CECR2: variants seen among roughly 807,000 people sequenced by gnomAD.
The protein encoded by CECR2 is CECR2 histone acetyl-lysine reader.
In CECR2, 30 loss-of-function variants were observed where a neutral mutation model predicts 154.5. The observed-to-expected ratio is 0.19, with a 90% CI of 0.15 to 0.26. The LOEUF is 0.26. Among genes scored for constraint, CECR2 ranks in the 10% least tolerant of loss-of-function variants. The probability of loss-of-function intolerance (pLI) is 1.00; values close to 1 mark genes in which losing one functional copy is unlikely to be tolerated. For synonymous variants in CECR2, 725 were observed against 683.7 expected (o/e 1.06, Z -0.94); for missense variants, 1,743 against 1,829.3 (o/e 0.95, Z 0.86).
chr22:17,497,503 C>T lies in CECR2; in HGVS notation c.322C>T (p.Leu108=), dbSNP rs371059170. Residue 108 remains leucine, a synonymous_variant, in exon 3 of 19, where the codon CTG becomes TTG. Transcript: ENST00000262608. Reference sequence around the variant, plus strand: ...TCTGAGGGAAGCCAGTTTCCAGGACCTGCCTCTTCGCACACGGGTGGAGAT... The same window carrying T: ...TCTGAGGGAAGCCAGTTTCCAGGACTTGCCTCTTCGCACACGGGTGGAGAT... ...NPLREASFQD[L]PLRTRVEILH... 6.2e-6 allele frequency: 10 copies of T among 1,613,864 alleles called. No individual in the cohort carries two copies. The highest frequency in any genetic ancestry group is 2.7e-5 in the African/African-American group (2 of 74,920).
chr22:17,548,210 C>T lies in CECR2; in HGVS notation c.2923C>T (p.Leu975Phe). The stretch of plus-strand genomic sequence containing the variant: ...TGTTGGTACTTCAGAGGGGGTCTAC[C>T]TCACACAACTACCTCACCCCACACC... ...PGVGTSEGVYLTQLPHPTPPL... is the reference protein window; with the variant it reads ...PGVGTSEGVYFTQLPHPTPPL... Residue 975 changes from leucine (L) to phenylalanine (F), a missense_variant, in exon 17 of 19, where the codon CTC (leucine) becomes TTC (phenylalanine). Coordinates refer to ENST00000262608, the MANE Select transcript of CECR2 (RefSeq NM_001290047.2). 2.5e-6 allele frequency: 4 copies of T among 1,593,370 alleles called. No homozygotes were observed. The highest frequency in any genetic ancestry group is 1.1e-5 in the South Asian group (1 of 87,962).
At chr22:17,436,005 C>G (rs902763353) in intron 1 of CECR2, among the ~76,000 whole-genome samples, 1 of 152,196 alleles carries the variant, frequency 6.6e-6, no homozygotes, top group African/African-American at 2.4e-5. Flanking sequence ...GTCACCCAGG[C>G]TGGAGTGCAG....
At position 17,499,385 on chromosome 22, in the gene CECR2, A is replaced by G. The variant is rs758351805; in HGVS notation, c.406-25A>G. 5 of 1,593,524 alleles carry G rather than the reference A, an allele frequency of 3.1e-6. No individual in the cohort carries two copies. The South Asian group carries it at 4.6e-5, about 15-fold the overall frequency. On this transcript the variant is annotated intron_variant, in intron 3 of 18. Transcript: ENST00000262608. ...GTGCGTTTTGTTCCCCATTTCCCCA[A>G]ACCCCTTTTCCGTGCTCTGTGTAGG...
chr22:17,537,014 G>C, intron 9 of CECR2, 89 bp from the exon 10 acceptor site: 2 of 1,495,938 alleles, frequency 1.3e-6, no homozygotes, highest in Non-Finnish European at 1.8e-6. Context: ...TTGGTGGCCT[G>C]GTTCTTCCTT....
intron 1 of CECR2, among the ~76,000 whole-genome samples, chr22:17,475,836 C>T (rs143926221): frequency 5.3e-5 from 8 of 152,100 alleles, no homozygotes; most frequent in East Asian, 3.9e-4. Flanking sequence ...CCTATTTCTC[C>T]GTTCTCTCAT....
At chr22:17,390,944 GA>G (rs1234571189) in intron 1 of CECR2, among the ~76,000 whole-genome samples, 1 of 152,014 alleles carries the variant, frequency 6.6e-6, no homozygotes, top group Non-Finnish European at 1.5e-5. Context: ...ATTTTATTTT[GA>G]GAATTTTCAG....
At chr22:17,376,496 C>T (rs1270717430) in intron 1 of CECR2, among the ~76,000 whole-genome samples, 1 of 151,460 alleles carries the variant, frequency 6.6e-6, no homozygotes, top group Non-Finnish European at 1.5e-5. Flanking sequence ...GGGGCTCGCA[C>T]AATGCAGTGC....
intron 1 of CECR2, among the ~76,000 whole-genome samples, chr22:17,459,870 C>G (rs1289058329): frequency 1.3e-5 from 2 of 152,176 alleles, no homozygotes; most frequent in Non-Finnish European, 2.9e-5. Context: ...GCCTCTTATC[C>G]TTTTAACTCC....
intron 1 of CECR2, among the ~76,000 whole-genome samples, chr22:17,456,275 T>C (rs994102141): frequency 1.3e-5 from 2 of 152,182 alleles, no homozygotes; most frequent in African/African-American, 4.8e-5. Context: ...ACATCATAGT[T>C]TTAAATCACA....
chr22:17,539,373 G>A (rs1376552927), intron 13 of CECR2, among the ~76,000 whole-genome samples: 4 of 152,104 alleles, frequency 2.6e-5, no homozygotes, highest in African/African-American at 9.7e-5. Context: ...GGATTATACT[G>A]TGTGTGCCTC....
intron 1 of CECR2, among the ~76,000 whole-genome samples, chr22:17,373,347 A>C (rs1341164977): frequency 1.3e-5 from 2 of 152,240 alleles, no homozygotes; most frequent in Non-Finnish European, 2.9e-5. Context: ...TGCCAAGTAT[A>C]TAATAGTAAT....
At chr22:17,503,025 A>G (rs2055767018) in intron 5 of CECR2, 57 bp from the exon 6 acceptor site, 2 of 1,529,212 alleles carry the variant, frequency 1.3e-6, no homozygotes, top group Non-Finnish European at 1.8e-6. Flanking sequence ...GGGGTGGCAC[A>G]GAACAATTTT....
intron 2 of CECR2, among the ~76,000 whole-genome samples, chr22:17,488,125 G>C (rs1406955782): frequency 1.3e-5 from 2 of 151,900 alleles, no homozygotes; most frequent in Non-Finnish European, 2.9e-5. Flanking sequence ...CAGGTGATCT[G>C]CCCCCCCTTG....
At chr22:17,545,660 T>C (rs146057969) in intron 16 of CECR2, among the ~76,000 whole-genome samples, 2,185 of 151,724 alleles carry the variant, frequency 0.014, 38 homozygotes, top group Non-Finnish European at 0.024. Context: ...CTGGCCAACA[T>C]GGTGAAACTC....
intron 2 of CECR2, among the ~76,000 whole-genome samples, chr22:17,494,072 T>TA (rs1328216496): frequency 1.3e-5 from 2 of 152,134 alleles, no homozygotes; most frequent in African/African-American, 4.8e-5. Flanking sequence ...AAGCAGTTTT[T>TA]AAAAAAACAC....
chr22:17,518,215 TTAAG>T (rs1166739218), intron 8 of CECR2, among the ~76,000 whole-genome samples: 1 of 152,196 alleles, frequency 6.6e-6, no homozygotes, highest in African/African-American at 2.4e-5. Flanking sequence ...TTTACATAAA[TTAAG>T]TGATTAGGCG....
At position 17,498,616 on chromosome 22, in the gene CECR2, C is replaced by T. The variant is rs540017440; in HGVS notation, c.406-794C>T. Among the ~76,000 whole-genome samples the T allele has an allele frequency of 1.2e-3, 181 of 152,302 alleles. 1 individual carries two copies. Among genetic ancestry groups the T allele is most frequent in the African/African-American group, 4.2e-3 (176 of 41,564 alleles). Reference sequence around the variant, plus strand: ...TAGCAGTGAGAAGGCCAGTACAGGTCAGCCCCCGAGGTAAATTGGGAGCCC... The same window carrying T: ...TAGCAGTGAGAAGGCCAGTACAGGTTAGCCCCCGAGGTAAATTGGGAGCCC... On this transcript the variant is annotated intron_variant, in intron 3 of 18. Coordinates refer to ENST00000262608, the MANE Select transcript of CECR2 (RefSeq NM_001290047.2).
rs1043647191 is a variant in CECR2 at position 17,409,948 on chromosome 22, A to G, written c.126+40039A>G. Among the ~76,000 whole-genome samples, 6 of 107,190 alleles carry G rather than the reference A, an allele frequency of 5.6e-5. 2 individuals carry two copies. The highest frequency in any genetic ancestry group is 1.3e-4 in the Non-Finnish European group (6 of 46,434). 70.3% of individuals were successfully genotyped at this position (107,190 alleles called of 152,430 possible). A position where few individuals can be genotyped will look rare whatever the true frequency, so the allele number is the denominator to read the frequency against. On this transcript the variant is annotated intron_variant, in intron 1 of 18. Transcript: ENST00000262608. ...TAGTAAAGGGCTTCACACATATTCA[A>G]TCAAGTGTTTGCTGTCTATTTATTT...
chr22:17,537,164 G>T lies in CECR2; in HGVS notation c.1170G>T (p.Glu390Asp). 2 of 1,613,952 alleles carry T rather than the reference G, an allele frequency of 1.2e-6. No homozygotes were observed. Among genetic ancestry groups the T allele is most frequent in the Non-Finnish European group, 1.7e-6 (2 of 1,179,852 alleles). ...CATGGCTGCTGGCTCAAGGAAAGGA[G>T]CTCCCTCCAGAACTTTCCCATCTGG... ...ERAWLLAQGK[E>D]LPPELSHLDP... Residue 390 changes from glutamate (E) to aspartate (D), a missense_variant, in exon 10 of 19, where the codon GAG (glutamate) becomes GAT (aspartate). By Grantham distance (45) the Glu-to-Asp change is conservative (BLOSUM62 2). Transcript: ENST00000262608.
Sources: allele counts gnomAD v4.1 joint callset (sites outside exome capture counted in the v4.1 genomes callset), GRCh38; gene constraint gnomAD v4.1.1; transcripts MANE v1.5; gene names NCBI Gene and HGNC (gene_info 2026-07-23, HGNC 2026-07-21).